Variants in SCFD2 observed in about 807,000 individuals in gnomAD.
SCFD2 encodes the protein sec1 family domain-containing protein 2.
Under a neutral mutation model 58.9 loss-of-function variants are expected in SCFD2, and 54 were observed. That is an observed-to-expected ratio of 0.92 (90% CI 0.74 to 1.15). The LOEUF is 1.15. Ranked by LOEUF, SCFD2 falls within the 50% of genes most tolerant of loss-of-function variation. The pLI, the probability that SCFD2 is intolerant of heterozygous loss-of-function variation, is 0.00. For synonymous variants in SCFD2, 321 were observed against 335.9 expected (o/e 0.96, Z 0.49); for missense variants, 805 against 836.6 (o/e 0.96, Z 0.47).
intron 5 of SCFD2, among the ~76,000 whole-genome samples, chr4:52,959,862 G>C (rs1456150357): frequency 6.7e-6 from 1 of 148,538 alleles, no homozygotes; most frequent in Non-Finnish European, 1.5e-5. Flanking sequence ...ACATGAGGGA[G>C]GGAGGCAGGG....
At chr4:53,259,771 G>C (rs1487270360) in intron 4 of SCFD2, among the ~76,000 whole-genome samples, 2 of 152,094 alleles carry the variant, frequency 1.3e-5, no homozygotes, top group African/African-American at 2.4e-5. Flanking sequence ...GTGGTATTTT[G>C]ACAGAAATTG....
At chr4:53,177,729 G>A (rs1264847857) in intron 4 of SCFD2, among the ~76,000 whole-genome samples, 1 of 152,210 alleles carries the variant, frequency 6.6e-6, no homozygotes, top group African/African-American at 2.4e-5. Flanking sequence ...GAAGCGAAAG[G>A]GGTCAGGGAA....
intron 2 of SCFD2, among the ~76,000 whole-genome samples, chr4:53,348,530 G>GA (rs1162417332): frequency 6.6e-6 from 1 of 152,020 alleles, no homozygotes; most frequent in African/African-American, 2.4e-5. Flanking sequence ...CCAAGCAATT[G>GA]AAAAAAACTA....
intron 4 of SCFD2, among the ~76,000 whole-genome samples, chr4:53,182,927 G>T (rs537429621): frequency 2.6e-5 from 4 of 152,128 alleles, no homozygotes; most frequent in Admixed American, 6.6e-5. Flanking sequence ...GGCCATCAGA[G>T]AATGCAAATC....
intron 4 of SCFD2, among the ~76,000 whole-genome samples, chr4:53,258,602 T>C (rs1730733430): frequency 7.2e-6 from 1 of 139,838 alleles, no homozygotes; most frequent in South Asian, 2.3e-4. Context: ...ACATAACACA[T>C]TTTCTTTATC....
At chr4:53,003,002 C>T (rs184226568) in intron 5 of SCFD2, among the ~76,000 whole-genome samples, 1 of 152,276 alleles carries the variant, frequency 6.6e-6, no homozygotes. Context: ...ACAATTCACT[C>T]GCTCACTATC....
At position 53,194,874 on chromosome 4, in the gene SCFD2, G is replaced by A. The variant is rs147544508; in HGVS notation, c.1312-49292C>T. On this transcript the variant is annotated intron_variant, in intron 4 of 8. Coordinates refer to ENST00000401642, the MANE Select transcript of SCFD2 (RefSeq NM_152540.4). Reference sequence around the variant, plus strand: ...ATTTAAAAAAAGATTTTATTTTCTCGTTTAGAGCCACACATTTGAGCATCA... The same window carrying A: ...ATTTAAAAAAAGATTTTATTTTCTCATTTAGAGCCACACATTTGAGCATCA... 2.9e-3 allele frequency among the ~76,000 whole-genome samples: 445 copies of A among 152,204 alleles called. 1 individual carries two copies. Among genetic ancestry groups the A allele is most frequent in the African/African-American group, 0.01 (420 of 41,530 alleles).
At chr4:53,156,819 A>G (rs1425120971) in intron 4 of SCFD2, among the ~76,000 whole-genome samples, 9 of 152,262 alleles carry the variant, frequency 5.9e-5, no homozygotes, top group Non-Finnish European at 1.3e-4. Context: ...CACTTCTGCT[A>G]TATACTAACG....
At chr4:53,237,655 A>ACATC (rs1209605673) in intron 4 of SCFD2, among the ~76,000 whole-genome samples, 1 of 98,982 alleles carries the variant, frequency 1.0e-5, no homozygotes, top group Non-Finnish European at 2.1e-5. Context: ...TGACCCCCCC[A>ACATC]CCTCCCTCCC....
chr4:53,032,844 C>A (rs1372872267), intron 5 of SCFD2, among the ~76,000 whole-genome samples: 1 of 152,128 alleles, frequency 6.6e-6, no homozygotes, highest in Non-Finnish European at 1.5e-5. Context: ...TACAAAGAGA[C>A]TTAGACTCCC....
intron 4 of SCFD2, among the ~76,000 whole-genome samples, chr4:53,208,836 T>C (rs1256971119): frequency 1.3e-5 from 2 of 152,106 alleles, no homozygotes; most frequent in African/African-American, 4.8e-5. Flanking sequence ...TTAGCAAAAC[T>C]AAAAATATTC....
intron 5 of SCFD2, among the ~76,000 whole-genome samples, chr4:52,992,152 G>A (rs564783395): frequency 9.9e-5 from 15 of 152,206 alleles, no homozygotes; most frequent in Admixed American, 2.0e-4. Flanking sequence ...TCAGCCTGTC[G>A]AGTGCCTGGG....
chr4:53,363,480 C>T (rs534732449), intron 1 of SCFD2, among the ~76,000 whole-genome samples: 1 of 151,366 alleles, frequency 6.6e-6, no homozygotes, highest in African/African-American at 2.4e-5. Flanking sequence ...TATATTGATA[C>T]TTGACTACAT....
At chr4:53,329,678 C>T (rs370493890) in intron 2 of SCFD2, among the ~76,000 whole-genome samples, 8 of 152,280 alleles carry the variant, frequency 5.3e-5, no homozygotes, top group East Asian at 1.9e-4. Flanking sequence ...AACTCTAAAA[C>T]GCAGAGCACC....
At chr4:53,001,113 T>C (rs573676867) in intron 5 of SCFD2, among the ~76,000 whole-genome samples, 36 of 152,358 alleles carry the variant, frequency 2.4e-4, no homozygotes, top group African/African-American at 6.3e-4. Flanking sequence ...TGCAGTTATG[T>C]AGCACAGTGC....
chr4:53,011,024 A>C (rs1434557335), intron 5 of SCFD2, among the ~76,000 whole-genome samples: 1 of 152,208 alleles, frequency 6.6e-6, no homozygotes, highest in South Asian at 2.1e-4. Context: ...AAAAGCATCC[A>C]GTTCAAACAC....
intron 4 of SCFD2, 188 bp downstream of exon 4, chr4:53,273,638 A>AT (rs1194518321): frequency 1.8e-4 from 87 of 487,842 alleles, no homozygotes; most frequent in Admixed American, 4.3e-4. Flanking sequence ...TACTGTCAAA[A>AT]TTTTTTTTTA....
chr4:53,015,709 T>C (rs1173910626), intron 5 of SCFD2, among the ~76,000 whole-genome samples: 7 of 152,150 alleles, frequency 4.6e-5, no homozygotes, highest in Non-Finnish European at 1.0e-4. Context: ...AATATATTTA[T>C]TAAAATATAT....
intron 5 of SCFD2, among the ~76,000 whole-genome samples, chr4:53,006,417 A>G (rs1296399150): frequency 6.6e-6 from 1 of 152,206 alleles, no homozygotes; most frequent in African/African-American, 2.4e-5. Context: ...TTTCATCAAA[A>G]ATAGGGGCAA....
Sources: allele counts gnomAD v4.1 joint callset (sites outside exome capture counted in the v4.1 genomes callset), GRCh38; gene constraint gnomAD v4.1.1; transcripts MANE v1.5; gene names NCBI Gene and HGNC (gene_info 2026-07-23, HGNC 2026-07-21).